Variants in DYSF observed in about 807,000 individuals in gnomAD.
The protein encoded by DYSF is dysferlin.
DYSF carries 212 observed loss-of-function variants against 274.9 expected under a neutral mutation model. The ratio of observed to expected loss-of-function variants is 0.77; its 90% CI spans 0.69 to 0.86. The LOEUF (loss-of-function observed/expected upper bound fraction) is 0.86. DYSF is among the 40% of genes least tolerant of loss of function. The probability of loss-of-function intolerance (pLI) is 0.00; values close to 1 mark genes in which losing one functional copy is unlikely to be tolerated. For synonymous variants in DYSF, 1,091 were observed against 1,078.7 expected, an observed-to-expected ratio of 1.01 and a Z score of -0.22; for missense variants, 2,666 against 2,783.2, an observed-to-expected ratio of 0.96 and a Z score of 0.95.
chr2:71,676,057 T>G (rs2095217025), intron 52 of DYSF, among the ~76,000 whole-genome samples: 1 of 152,318 alleles, frequency 6.6e-6, no homozygotes, highest in East Asian at 1.9e-4. Context: ...ACGTGGGCCC[T>G]GTTTTGATTA....
At chr2:71,526,421 C>CCGTGGGG in intron 13 of DYSF, 75 bp downstream of exon 13, 1 of 272,074 alleles carries the variant, frequency 3.7e-6, no homozygotes, top group Non-Finnish European at 6.7e-6. Context: ...TGGGCGATGG[C>CCGTGGGG]GGGCGGGGTC....
chr2:71,463,453 AC>A (rs1004737194), upstream of DYSF, among the ~76,000 whole-genome samples: 43 of 152,004 alleles, frequency 2.8e-4, no homozygotes, highest in African/African-American at 9.7e-4. Context: ...TGGGGCTCCC[AC>A]CCCACCAACT....
chr2:71,677,950 C>G (rs796757237), intron 52 of DYSF, among the ~76,000 whole-genome samples: 17 of 152,212 alleles, frequency 1.1e-4, no homozygotes, highest in African/African-American at 4.1e-4. Flanking sequence ...CTCAAGTGTC[C>G]ATCAACAGAT....
intron 40 of DYSF, 64 bp downstream of exon 40, chr2:71,613,474 A>G: frequency 7.4e-7 from 1 of 1,343,902 alleles, no homozygotes; most frequent in East Asian, 2.4e-5. Flanking sequence ...ATCAATTCCC[A>G]CCCCTTCTCC....
Position 71,568,236 on chromosome 2 carries a change from A to C in DYSF, c.2762A>C (p.Lys921Thr). 1 of 1,614,032 alleles carries C rather than the reference A, an allele frequency of 6.2e-7. No homozygotes were observed. Among genetic ancestry groups the C allele is most frequent in the Non-Finnish European group, 8.5e-7 (1 of 1,179,992 alleles). ...GGCACAACGGGCCTCACCTACCCCA[A>C]GTTTTCTGACGTCACGGGCAAGATC... ...NWGTTGLTYP[K>T]FSDVTGKIKL... Residue 921 changes from lysine to threonine, a missense_variant, in exon 26 of 56, where the codon AAG becomes ACG. Transcript: ENST00000410020.
chr2:71,612,646 G>A lies in DYSF; in HGVS notation c.4227G>A (p.Leu1409=). The change falls in exon 39 of 56, where the codon CTG becomes CTA. Residue 1409 remains leucine, a synonymous_variant. Transcript: ENST00000410020. ...DICTLFMEVM[L]PREELYCPPI... is the part of the protein sequence containing the mutation. ...GTTCTTCCTCCTCCACCCAGATGCT[G>A]CCCAGGGAGGAGCTCTACTGCCCCC... 2 of 1,614,078 alleles carry A rather than the reference G, an allele frequency of 1.2e-6. No homozygotes were observed. Among genetic ancestry groups the A allele is most frequent in the Non-Finnish European group, 1.7e-6 (2 of 1,179,966 alleles).
intron 22 of DYSF, among the ~76,000 whole-genome samples, chr2:71,557,757 G>C (rs556770349): frequency 4.6e-5 from 7 of 152,270 alleles, no homozygotes; most frequent in African/African-American, 1.4e-4. Context: ...TTATGAACTA[G>C]AAAGTAGGCT....
At chr2:71,579,803 G>A (rs959009818) in intron 30 of DYSF, among the ~76,000 whole-genome samples, 4 of 152,202 alleles carry the variant, frequency 2.6e-5, no homozygotes, top group Non-Finnish European at 5.9e-5. Flanking sequence ...CCAGTGCTCA[G>A]TAGCCACACC....
chr2:71,511,103 C>T (rs1029395490), intron 4 of DYSF, among the ~76,000 whole-genome samples: 2 of 152,174 alleles, frequency 1.3e-5, no homozygotes, highest in Non-Finnish European at 2.9e-5. Flanking sequence ...TGTGCCGTTC[C>T]CAGGTTCAGG....
chr2:71,458,875 G>A (rs1392016130), intron 1 of DYSF, among the ~76,000 whole-genome samples: 2 of 152,202 alleles, frequency 1.3e-5, no homozygotes, highest in African/African-American at 2.4e-5. Context: ...CCAATCACAT[G>A]CCTCAGGTCA....
chr2:71,611,623 AGTG>A lies in DYSF; in HGVS notation c.4221+1_4221+3del, dbSNP rs1189803641. On this transcript the variant is annotated inframe_deletion and splice_region_variant, in exon 38 of 56. Coordinates refer to ENST00000410020, the MANE Select transcript of DYSF (RefSeq NM_001130987.2). ...TTGACATCTGCACCCTCTTCATGGA[AGTG>A]GTGAGCCCCACCTCCCTACTGTCCC... 5.6e-6 allele frequency: 9 copies of A among 1,613,390 alleles called. No homozygotes were observed. The highest frequency in any genetic ancestry group is 7.6e-6 in the Non-Finnish European group (9 of 1,179,948).
intron 3 of DYSF, among the ~76,000 whole-genome samples, chr2:71,499,248 T>C (rs570982211): frequency 1.3e-5 from 2 of 152,226 alleles, no homozygotes; most frequent in Non-Finnish European, 2.9e-5. Context: ...ATACATGCTC[T>C]TTTGCACCTT....
At chr2:71,665,037 G>C in intron 46 of DYSF, 125 bp from the exon 47 acceptor site, 1 of 1,470,902 alleles carries the variant, frequency 6.8e-7, no homozygotes. Flanking sequence ...AATCAGATGG[G>C]ACACCCACTG....
At chr2:71,555,393 C>A (rs1474979205) in intron 21 of DYSF, among the ~76,000 whole-genome samples, 1 of 151,972 alleles carries the variant, frequency 6.6e-6, no homozygotes, top group Non-Finnish European at 1.5e-5. Flanking sequence ...CCTCTCAGCT[C>A]AGGGCTGAGG....
chr2:71,477,674 T>C (rs762850098), intron 1 of DYSF, among the ~76,000 whole-genome samples: 5 of 152,238 alleles, frequency 3.3e-5, no homozygotes, highest in Non-Finnish European at 7.3e-5. Context: ...TACAGAATCA[T>C]ACGTGGGTGA....
Position 71,549,403 on chromosome 2 carries a change from T to C in DYSF, c.1577-1638T>C, listed in dbSNP as rs1393020416. 1.9e-6 allele frequency: 3 copies of C among 1,611,150 alleles called. No individual in the cohort carries two copies. Among genetic ancestry groups the C allele is most frequent in the Non-Finnish European group, 2.5e-6 (3 of 1,178,336 alleles). ...GAAAGCCTCAGACTGTACGTTGCTG[T>C]CACCTTGGGGACAACCAGGGGAGTG... On this transcript the variant is annotated intron_variant, in intron 17 of 55. Transcript: ENST00000410020.
intron 41 of DYSF, among the ~76,000 whole-genome samples, chr2:71,643,191 C>T (rs1016758630): frequency 5.3e-5 from 8 of 152,112 alleles, no homozygotes; most frequent in Non-Finnish European, 1.2e-4. Flanking sequence ...GCTAAGAGGG[C>T]CTGCAGACAC....
intron 41 of DYSF, among the ~76,000 whole-genome samples, chr2:71,637,330 G>A (rs1422204145): frequency 6.6e-6 from 1 of 152,180 alleles, no homozygotes; most frequent in Non-Finnish European, 1.5e-5. Flanking sequence ...TTGGGCTGGG[G>A]TGCAAGCCGA....
chr2:71,489,854 CCTGGCACTGT>C (rs1488416556), intron 3 of DYSF, among the ~76,000 whole-genome samples: 3 of 152,192 alleles, frequency 2.0e-5, no homozygotes, highest in Non-Finnish European at 1.5e-5. Flanking sequence ...AGAGTTCTAT[CCTGGCACTGT>C]CTGTAACCTG....
Sources: gnomAD v4.1 joint callset for allele counts (sites outside exome capture counted in the v4.1 genomes callset) on GRCh38, gnomAD v4.1.1 for gene constraint, MANE v1.5 for transcripts, NCBI Gene and HGNC (gene_info 2026-07-23, HGNC 2026-07-21) for gene names.